Variants in CNST observed in about 807,000 individuals in gnomAD.
CNST encodes the protein consortin, connexin sorting protein.
In CNST, 39 loss-of-function variants were observed where a neutral mutation model predicts 72.4. That is an observed-to-expected ratio of 0.54 (90% CI 0.42 to 0.70). CNST has a LOEUF of 0.70. Among genes scored for constraint, CNST ranks in the 30% least tolerant of loss-of-function variants. The pLI, the probability that CNST is intolerant of heterozygous loss-of-function variation, is 0.00. For synonymous variants in CNST, 332 were observed against 320.1 expected, an observed-to-expected ratio of 1.04 and a Z score of -0.40; for missense variants, 871 against 868.5, an observed-to-expected ratio of 1.00 and a Z score of -0.04.
chr1:246,632,305 G>A (rs1359952731), intron 4 of CNST: 1 of 294,184 alleles, frequency 3.4e-6, no homozygotes, highest in South Asian at 4.4e-5. Context: ...GCTTGGCAAC[G>A]TGCGCCACAG....
chr1:246,631,888 T>G lies in CNST; in HGVS notation c.586-6T>G. 2 of 1,535,238 alleles carry G rather than the reference T, an allele frequency of 1.3e-6. No homozygotes were observed. The highest frequency in any genetic ancestry group is 1.8e-6 in the Non-Finnish European group (2 of 1,117,100). On this transcript the variant is annotated splice_polypyrimidine_tract_variant and splice_region_variant and intron_variant, in intron 3 of 10. Transcript: ENST00000366513. The stretch of plus-strand genomic sequence containing the variant: ...ATTTTCTCTGTGTTTTCTTTGTTTT[T>G]AACAGATAGCAGAATCCTATTTCCA...
At chr1:246,566,986 T>TG (rs1232372878) in intron 1 of CNST, among the ~76,000 whole-genome samples, 3 of 152,174 alleles carry the variant, frequency 2.0e-5, no homozygotes, top group Admixed American at 6.5e-5. Context: ...TCCTTTCTGT[T>TG]GTGTGGCCCA....
At chr1:246,581,194 A>T (rs903348510) in intron 1 of CNST, among the ~76,000 whole-genome samples, 1 of 152,160 alleles carries the variant, frequency 6.6e-6, no homozygotes, top group Non-Finnish European at 1.5e-5. Flanking sequence ...AACCATTCCC[A>T]TACATGGATA....
At chr1:246,636,433 C>G (rs1290792409) in intron 6 of CNST, among the ~76,000 whole-genome samples, 10 of 152,050 alleles carry the variant, frequency 6.6e-5, no homozygotes, top group Non-Finnish European at 1.5e-4. Context: ...CCTGCGGGCT[C>G]CCCCGCATAC....
In CNST at chr1:246,659,373, T is replaced by C. The variant is rs1032088692; in HGVS notation, c.1837-826T>C. ...ACTTTGGGAGGCCAAGGCGGGCAGA[T>C]CACGAGGTCAGGAGATCGAGACCAT... On this transcript the variant is annotated intron_variant, in intron 9 of 10. Transcript: ENST00000366513. Among the ~76,000 whole-genome samples, 118 of 152,130 alleles carry C rather than the reference T, an allele frequency of 7.8e-4. 1 individual carries two copies. Among genetic ancestry groups the C allele is most frequent in the Non-Finnish European group, 2.9e-4 (20 of 68,016 alleles).
In CNST at chr1:246,616,849, G is replaced by A. The variant is rs943477303; in HGVS notation, c.380-4580G>A. On this transcript the variant is annotated intron_variant, in intron 2 of 10. Transcript: ENST00000366513. The stretch of plus-strand genomic sequence containing the variant: ...ATTACAGGGGTAAGCCACTGCGCCC[G>A]GCCAATACTTTTTTTTTTCAAGCAA... Among the ~76,000 whole-genome samples the A allele has an allele frequency of 7.2e-5, 11 of 151,858 alleles. No homozygotes were observed. In the East Asian group the frequency reaches 7.8e-4, roughly 11 times the overall value.
rs1025697474 is a variant in CNST at position 246,591,775 on chromosome 1, T to C, written c.213T>C (p.Asn71=). The change falls in exon 2 of 11, where the codon AAT becomes AAC. Residue 71 remains asparagine (N), a synonymous_variant. Transcript: ENST00000366513. ...PQVSEQDSLN[N]NESCTLSCEV... ...TGTCTGAGCAGGACAGTCTCAATAATAATGAAAGCTGCACATTGAGCTGCG... is the reference window on the plus strand; with the variant it reads ...TGTCTGAGCAGGACAGTCTCAATAACAATGAAAGCTGCACATTGAGCTGCG... The C allele has an allele frequency of 2.5e-6, 4 of 1,613,988 alleles. No homozygotes were observed. Among genetic ancestry groups the C allele is most frequent in the Non-Finnish European group, 3.4e-6 (4 of 1,179,996 alleles).
intron 2 of CNST, among the ~76,000 whole-genome samples, chr1:246,603,603 G>A (rs946550931): frequency 3.9e-5 from 6 of 152,168 alleles, no homozygotes; most frequent in African/African-American, 1.4e-4. Context: ...GCAGGTAGAG[G>A]TTATATGCAT....
intron 2 of CNST, among the ~76,000 whole-genome samples, chr1:246,596,507 TCA>T (rs1377548351): frequency 6.6e-6 from 1 of 152,228 alleles, no homozygotes; most frequent in African/African-American, 2.4e-5. Context: ...TTATTATTTT[TCA>T]CATTCTTACC....
intron 9 of CNST, among the ~76,000 whole-genome samples, chr1:246,654,653 G>T (rs1666674267): frequency 6.6e-6 from 1 of 152,144 alleles, no homozygotes. Context: ...GCTAATACAG[G>T]CTGTTGTAAA....
chr1:246,660,966 T>C (rs988936337), intron 10 of CNST, among the ~76,000 whole-genome samples: 1 of 151,894 alleles, frequency 6.6e-6, no homozygotes, highest in African/African-American at 2.4e-5. Flanking sequence ...TTTTTGTCTT[T>C]TGTTGTTTTT....
chr1:246,666,790 T>G lies in CNST; in HGVS notation c.*885T>G, dbSNP rs946224217. Reference sequence around the variant, plus strand: ...GCTTACACCTATTATGTTCTGAGATTCTGAGAACCAGAATGCAAACTTAAG... The same window carrying G: ...GCTTACACCTATTATGTTCTGAGATGCTGAGAACCAGAATGCAAACTTAAG... On this transcript the variant is annotated 3_prime_UTR_variant, in exon 11 of 11. Coordinates refer to ENST00000366513, the MANE Select transcript of CNST (RefSeq NM_152609.3). 2 of 152,182 alleles carry G rather than the reference T, an allele frequency of 1.3e-5. No individual in the cohort carries two copies. Among genetic ancestry groups the G allele is most frequent in the Non-Finnish European group, 2.9e-5 (2 of 68,040 alleles). The allele number at this position is 152,182 out of a possible 1,614,324, so 9.4% of individuals were successfully genotyped here. A position where few individuals can be genotyped will look rare whatever the true frequency, so the allele number is the denominator to read the frequency against.
chr1:246,587,890 A>C (rs1661293892), intron 1 of CNST, among the ~76,000 whole-genome samples: 3 of 152,218 alleles, frequency 2.0e-5, no homozygotes, highest in African/African-American at 7.2e-5. Flanking sequence ...TTTTTTCGGA[A>C]TATGAGTCAC....
At position 246,647,829 on chromosome 1, in the gene CNST, A is replaced by G. The variant is rs113128327; in HGVS notation, c.1628A>G (p.Glu543Gly). Residue 543 changes from glutamate (E) to glycine (G), a missense_variant, in exon 9 of 11, where the codon GAA becomes GGA. Physicochemically the swap from Glu to Gly is moderately conservative, Grantham distance 98. Transcript: ENST00000366513. ...GATAAAGACGACCAACTCAACAAAG[A>G]AACAGAAGACTATTTGAACAGCCTT... ...KGDKDDQLNK[E>G]TEDYLNSLLE... The G allele has an allele frequency of 6.2e-7, 1 of 1,614,200 alleles. No homozygotes were observed. The highest frequency in any genetic ancestry group is 1.3e-5 in the African/African-American group (1 of 75,046).
Position 246,667,773 on chromosome 1 carries a change from C to T in CNST, c.*1868C>T, listed in dbSNP as rs1287010711. On this transcript the variant is annotated 3_prime_UTR_variant, in exon 11 of 11. Coordinates refer to ENST00000366513, the MANE Select transcript of CNST (RefSeq NM_152609.3). ...AGACAAACCTCCTCTGTTTTATCCT[C>T]AATTTCTAGTTACAGAAATTTGGTG... 1 of 152,188 alleles carries T rather than the reference C, an allele frequency of 6.6e-6. No individual in the cohort carries two copies. The highest frequency in any genetic ancestry group is 2.4e-5 in the African/African-American group (1 of 41,452). The allele number at this position is 152,188 out of a possible 1,614,324, so 9.4% of individuals were successfully genotyped here.
chr1:246,630,569 T>C (rs1448167036), intron 3 of CNST, among the ~76,000 whole-genome samples: 2 of 152,236 alleles, frequency 1.3e-5, no homozygotes, highest in Non-Finnish European at 2.9e-5. Flanking sequence ...AAGTATGCTG[T>C]TTCCCCTGAG....
intron 10 of CNST, among the ~76,000 whole-genome samples, chr1:246,661,031 G>T (rs937916357): frequency 6.6e-6 from 1 of 151,578 alleles, no homozygotes; most frequent in African/African-American, 2.4e-5. Context: ...TTGCAGTGGC[G>T]CAAATCACTG....
chr1:246,580,035 A>T (rs2103010250), intron 1 of CNST, among the ~76,000 whole-genome samples: 1 of 152,342 alleles, frequency 6.6e-6, no homozygotes, highest in Admixed American at 6.5e-5. Context: ...TTCCTTTCTT[A>T]CTGCTCTGTC....
chr1:246,665,978 G>T lies in CNST; in HGVS notation c.*73G>T. 1 of 1,131,776 alleles carries T rather than the reference G, an allele frequency of 8.8e-7. No individual in the cohort carries two copies. The highest frequency in any genetic ancestry group is 1.3e-6 in the Non-Finnish European group (1 of 780,362). 70.1% of individuals were successfully genotyped at this position (1,131,776 alleles called of 1,614,324 possible). A position where few individuals can be genotyped will look rare whatever the true frequency, so the allele number is the denominator to read the frequency against. ...GACTTTCTAAACAGTTTTTCTTTCAGGAATTCTGTAGCATTCCCCCTTCCC... is the reference window on the plus strand; with the variant it reads ...GACTTTCTAAACAGTTTTTCTTTCATGAATTCTGTAGCATTCCCCCTTCCC... On this transcript the variant is annotated 3_prime_UTR_variant, in exon 11 of 11. Transcript: ENST00000366513.
Sources: allele counts gnomAD v4.1 joint callset (sites outside exome capture counted in the v4.1 genomes callset), GRCh38; gene constraint gnomAD v4.1.1; transcripts MANE v1.5; gene names NCBI Gene and HGNC (gene_info 2026-07-23, HGNC 2026-07-21).